Variants in GFRA2 observed in about 807,000 individuals in gnomAD.
GFRA2 encodes the protein GDNF family receptor alpha 2.
A neutral mutation model predicts 48.3 loss-of-function variants in GFRA2; 17 were observed. The ratio of observed to expected loss-of-function variants is 0.35; its 90% CI spans 0.24 to 0.53. GFRA2 has a LOEUF of 0.53. Among genes scored for constraint, GFRA2 ranks in the 20% least tolerant of loss-of-function variants. The probability of loss-of-function intolerance (pLI) is 0.93; values close to 1 mark genes in which losing one functional copy is unlikely to be tolerated. For synonymous variants in GFRA2, 305 were observed against 257.2 expected, an observed-to-expected ratio of 1.19 and a Z score of -1.78; for missense variants, 660 against 637.3, an observed-to-expected ratio of 1.04 and a Z score of -0.38.
chr8:21,771,919 G>T (rs1806456331), intron 3 of GFRA2, among the ~76,000 whole-genome samples: 1 of 152,154 alleles, frequency 6.6e-6, no homozygotes, highest in Admixed American at 6.5e-5. Flanking sequence ...GTCCTATGGG[G>T]TGGCAGCCTT....
intron 1 of GFRA2, among the ~76,000 whole-genome samples, chr8:21,811,307 G>C (rs73671778): frequency 6.6e-6 from 1 of 152,164 alleles, no homozygotes; most frequent in African/African-American, 2.4e-5. Context: ...GACTGAGATT[G>C]AGAGGCAGTG....
intron 4 of GFRA2, 60 bp from the exon 5 acceptor site, chr8:21,706,101 C>G (rs975397184): frequency 9.3e-7 from 1 of 1,074,358 alleles, no homozygotes; most frequent in Non-Finnish European, 1.4e-6. Context: ...TGCCTTCTGT[C>G]TCCTCTGTCC....
At chr8:21,784,422 C>A in intron 1 of GFRA2, 1 of 441,666 alleles carries the variant, frequency 2.3e-6, no homozygotes, top group Middle Eastern at 3.3e-4. Flanking sequence ...GAAGTCCCCT[C>A]CTCAATACCG....
At chr8:21,701,662 A>G (rs576281328) in intron 7 of GFRA2, among the ~76,000 whole-genome samples, 3 of 152,274 alleles carry the variant, frequency 2.0e-5, no homozygotes, top group African/African-American at 7.2e-5. Context: ...CCATTGACCA[A>G]GCACTTTCGC....
intron 2 of GFRA2, among the ~76,000 whole-genome samples, chr8:21,796,414 G>A: frequency 6.6e-6 from 1 of 152,218 alleles, no homozygotes; most frequent in Non-Finnish European, 1.5e-5. Flanking sequence ...CCCGCAGAGA[G>A]CTCTCAGTCC....
In GFRA2 at chr8:21,694,077, T is replaced by TATATATA. The variant is rs1338101835; in HGVS notation, c.1272+386_1272+387insTATATAT. On this transcript the variant is annotated intron_variant, in intron 8 of 8. Coordinates refer to ENST00000524240, the MANE Select transcript of GFRA2 (RefSeq NM_001495.5). ...TATTTATATATATATTTATTTATTT[T>TATATATA]TATATATATATATATTTCCTATAGT... 2.2e-3 allele frequency among the ~76,000 whole-genome samples: 238 copies of TATATATA among 109,260 alleles called. 15 individuals carry two copies. The highest frequency in any genetic ancestry group is 5.2e-3 in the Admixed American group (56 of 10,736). 71.7% of individuals were successfully genotyped at this position (109,260 alleles called of 152,430 possible). A position where few individuals can be genotyped will look rare whatever the true frequency, so the allele number is the denominator to read the frequency against.
chr8:21,763,674 C>T (rs1806016165), intron 3 of GFRA2, among the ~76,000 whole-genome samples: 1 of 152,026 alleles, frequency 6.6e-6, no homozygotes. Context: ...TCCTCACCTT[C>T]CAGCTCCCTC....
chr8:21,720,479 G>A (rs1803542220), intron 4 of GFRA2, among the ~76,000 whole-genome samples: 1 of 152,140 alleles, frequency 6.6e-6, no homozygotes, highest in African/African-American at 2.4e-5. Context: ...GGAGCCCTGT[G>A]TATTTCTAGT....
At chr8:21,742,786 A>G (rs771456938) in intron 4 of GFRA2, among the ~76,000 whole-genome samples, 4 of 152,172 alleles carry the variant, frequency 2.6e-5, no homozygotes, top group Non-Finnish European at 5.9e-5. Flanking sequence ...CCACTCAGAG[A>G]TGCCTGGGTC....
chr8:21,754,747 G>C (rs919007555), intron 3 of GFRA2, among the ~76,000 whole-genome samples: 6 of 152,068 alleles, frequency 3.9e-5, no homozygotes, highest in Admixed American at 1.3e-4. Flanking sequence ...GACCTCAGGT[G>C]ATCCGCCCGC....
chr8:21,758,921 T>C (rs1300795857), intron 3 of GFRA2, among the ~76,000 whole-genome samples: 1 of 152,016 alleles, frequency 6.6e-6, no homozygotes, highest in Non-Finnish European at 1.5e-5. Flanking sequence ...CACCCAACCA[T>C]ACCCACCTCT....
chr8:21,740,199 C>G (rs1804682763), intron 4 of GFRA2, among the ~76,000 whole-genome samples: 1 of 152,198 alleles, frequency 6.6e-6, no homozygotes, highest in Non-Finnish European at 1.5e-5. Context: ...CTCCTGCCTT[C>G]CTCGACCTCA....
At chr8:21,721,997 C>A (rs1225265540) in intron 4 of GFRA2, among the ~76,000 whole-genome samples, 2 of 152,192 alleles carry the variant, frequency 1.3e-5, no homozygotes, top group Non-Finnish European at 2.9e-5. Context: ...AGGAGTCTTT[C>A]TCATTATATA....
rs1563250989 is a variant in GFRA2 at position 21,758,206 on chromosome 8, C to G, written c.440-7264G>C. Among the ~76,000 whole-genome samples, 22 of 47,522 alleles carry G rather than the reference C, an allele frequency of 4.6e-4. No homozygotes were observed. The African/African-American group carries it at 6.1e-3, about 13-fold the overall frequency. The allele number at this position is 47,522 out of a possible 152,430, so 31.2% of individuals were successfully genotyped here. A position where few individuals can be genotyped will look rare whatever the true frequency, so the allele number is the denominator to read the frequency against. On this transcript the variant is annotated intron_variant, in intron 3 of 8. Coordinates refer to ENST00000524240, the MANE Select transcript of GFRA2 (RefSeq NM_001495.5). ...GCAGGGCTGCCCTTGGCCCACTCCCCACACACACACACACACACACACCTC... is the reference window on the plus strand; with the variant it reads ...GCAGGGCTGCCCTTGGCCCACTCCCGACACACACACACACACACACACCTC...
chr8:21,719,467 T>G (rs11778506), intron 4 of GFRA2, among the ~76,000 whole-genome samples: 5,035 of 152,324 alleles, frequency 0.033, 128 homozygotes, highest in South Asian at 0.12. Flanking sequence ...ATTAAACGTA[T>G]GCATCATTTG....
intron 8 of GFRA2, among the ~76,000 whole-genome samples, chr8:21,693,719 G>A (rs965980847): frequency 5.2e-4 from 7 of 13,476 alleles, no homozygotes; most frequent in Admixed American, 5.1e-3. Flanking sequence ...TCCCAGTGAG[G>A]AGGCAGATGG....
chr8:21,694,910 A>G (rs1371714893), intron 7 of GFRA2, among the ~76,000 whole-genome samples: 5 of 152,260 alleles, frequency 3.3e-5, no homozygotes, highest in African/African-American at 4.8e-5. Context: ...AGATGCCTGC[A>G]TCCATGAATG....
At chr8:21,699,190 T>C (rs1048804793) in intron 7 of GFRA2, among the ~76,000 whole-genome samples, 1 of 152,172 alleles carries the variant, frequency 6.6e-6, no homozygotes, top group Non-Finnish European at 1.5e-5. Flanking sequence ...AATGAATGAA[T>C]GCACTGACCG....
At chr8:21,798,664 A>G (rs1585351941) in intron 2 of GFRA2, among the ~76,000 whole-genome samples, 1 of 152,194 alleles carries the variant, frequency 6.6e-6, no homozygotes, top group East Asian at 1.9e-4. Context: ...CTGCAGACGT[A>G]AGAACCTGTT....
Sources: gnomAD v4.1 joint callset for allele counts (sites outside exome capture counted in the v4.1 genomes callset) on GRCh38, gnomAD v4.1.1 for gene constraint, MANE v1.5 for transcripts, NCBI Gene and HGNC (gene_info 2026-07-23, HGNC 2026-07-21) for gene names.